The following TSHZ2 variants were observed in gnomAD, a reference collection of about 807,000 sequenced individuals.
TSHZ2 encodes the protein teashirt zinc finger homeobox 2.
Under a neutral mutation model 74.4 loss-of-function variants are expected in TSHZ2, and 21 were observed. The observed-to-expected ratio is 0.28, with a 90% confidence interval of 0.20 to 0.41. TSHZ2 has a LOEUF of 0.41. TSHZ2 is among the 10% of genes least tolerant of loss of function. The probability of loss-of-function intolerance (pLI) is 1.00; values close to 1 mark genes in which losing one functional copy is unlikely to be tolerated. For missense variants in TSHZ2, 1,244 were observed against 1,293.5 expected (o/e 0.96, Z 0.59); for synonymous variants, 540 against 515.3 (o/e 1.05, Z -0.65).
intron 1 of TSHZ2, among the ~76,000 whole-genome samples, chr20:53,142,647 G>C (rs1600709820): frequency 6.6e-6 from 1 of 152,138 alleles, no homozygotes; most frequent in Admixed American, 6.5e-5. Flanking sequence ...TCTAATGCTT[G>C]CATTTCATTT....
chr20:53,340,821 G>C (rs564466634), intron 2 of TSHZ2, among the ~76,000 whole-genome samples: 1 of 152,048 alleles, frequency 6.6e-6, no homozygotes, highest in South Asian at 2.1e-4. Flanking sequence ...TGAGTAATGG[G>C]ACAATCACCA....
chr20:53,087,834 T>G (rs1006516112), intron 1 of TSHZ2, among the ~76,000 whole-genome samples: 1 of 152,236 alleles, frequency 6.6e-6, no homozygotes, highest in Non-Finnish European at 1.5e-5. Context: ...AGGTAAATTC[T>G]TTTGGCATTT....
At chr20:52,999,004 CATTTTATAA>C (rs1346964366) in intron 1 of TSHZ2, among the ~76,000 whole-genome samples, 1 of 152,214 alleles carries the variant, frequency 6.6e-6, no homozygotes, top group Non-Finnish European at 1.5e-5. Context: ...ATCCTCACAA[CATTTTATAA>C]ATTTTATAAA....
At chr20:53,247,970 A>G (rs1990243968) in intron 1 of TSHZ2, among the ~76,000 whole-genome samples, 1 of 152,186 alleles carries the variant, frequency 6.6e-6, no homozygotes, top group Non-Finnish European at 1.5e-5. Flanking sequence ...GTAACTCCAT[A>G]CCACCCATGA....
chr20:52,982,865 A>G (rs1173508816), intron 1 of TSHZ2, among the ~76,000 whole-genome samples: 1 of 152,202 alleles, frequency 6.6e-6, no homozygotes, highest in Non-Finnish European at 1.5e-5. Flanking sequence ...CAGGGCTGGG[A>G]GAAGCAGTCC....
chr20:53,315,300 G>A (rs1004716023), intron 2 of TSHZ2, among the ~76,000 whole-genome samples: 2 of 150,882 alleles, frequency 1.3e-5, no homozygotes, highest in Non-Finnish European at 3.0e-5. Context: ...TTTCCTCTGG[G>A]AAAGGAATAA....
intron 1 of TSHZ2, among the ~76,000 whole-genome samples, chr20:53,169,607 T>C (rs1988144418): frequency 6.6e-6 from 1 of 152,204 alleles, no homozygotes; most frequent in South Asian, 2.1e-4. Context: ...ATCTGTTGCA[T>C]GAATGAGTTT....
intron 1 of TSHZ2, among the ~76,000 whole-genome samples, chr20:53,123,414 C>T (rs1228634077): frequency 6.6e-6 from 1 of 152,136 alleles, no homozygotes; most frequent in Non-Finnish European, 1.5e-5. Flanking sequence ...GACTCACTGA[C>T]ATGTTTAGGG....
chr20:53,365,345 G>C (rs574477245), intron 2 of TSHZ2, among the ~76,000 whole-genome samples: 9 of 152,132 alleles, frequency 5.9e-5, no homozygotes, highest in East Asian at 1.9e-4. Context: ...TCCCAGCTTG[G>C]GGGGGTCGGG....
chr20:53,089,756 A>C (rs944894911), intron 1 of TSHZ2, among the ~76,000 whole-genome samples: 1 of 152,264 alleles, frequency 6.6e-6, no homozygotes, highest in Non-Finnish European at 1.5e-5. Context: ...AACTGTCTAC[A>C]TGAAGAACAA....
intron 2 of TSHZ2, among the ~76,000 whole-genome samples, chr20:53,336,297 T>C (rs955620307): frequency 2.6e-5 from 4 of 152,312 alleles, no homozygotes; most frequent in South Asian, 2.1e-4. Context: ...GGTTATTTCA[T>C]AGCTTCACGC....
rs569453476 is a variant in TSHZ2, at chr20:53,046,640, AAAAAC to A, written c.40+73323_40+73327del. Among the ~76,000 whole-genome samples, 423 of 152,224 alleles carry A rather than the reference AAAAAC, an allele frequency of 2.8e-3. 2 individuals carry two copies. Among genetic ancestry groups the A allele is most frequent in the Non-Finnish European group, 4.3e-3 (295 of 68,006 alleles). On this transcript the variant is annotated intron_variant, in intron 1 of 2. Coordinates refer to ENST00000371497, the MANE Select transcript of TSHZ2 (RefSeq NM_173485.6). The stretch of plus-strand genomic sequence containing the variant: ...GCAAATGAGTTAGTATTTGATTAAA[AAAAAC>A]AAAACAAAACAAAACCCTGGGAACT...
At chr20:53,142,117 T>G (rs1211238644) in intron 1 of TSHZ2, among the ~76,000 whole-genome samples, 2 of 152,056 alleles carry the variant, frequency 1.3e-5, no homozygotes, top group South Asian at 2.1e-4. Flanking sequence ...GACAGAAAAC[T>G]CACCTCAAAA....
chr20:53,298,987 A>G (rs1028125998), intron 2 of TSHZ2, among the ~76,000 whole-genome samples: 3 of 152,176 alleles, frequency 2.0e-5, no homozygotes, highest in Non-Finnish European at 4.4e-5. Flanking sequence ...TGGAGCTTAT[A>G]GATGAGACTC....
chr20:53,379,174 G>A (rs1167983603), intron 2 of TSHZ2, among the ~76,000 whole-genome samples: 4 of 152,206 alleles, frequency 2.6e-5, no homozygotes, highest in Non-Finnish European at 1.5e-5. Flanking sequence ...TTGAGCCCAA[G>A]AGTTTGAGAC....
chr20:53,063,049 G>T (rs1167876819), intron 1 of TSHZ2, among the ~76,000 whole-genome samples: 1 of 152,102 alleles, frequency 6.6e-6, no homozygotes, highest in Admixed American at 6.5e-5. Flanking sequence ...AATTACAACA[G>T]TAACATCAAA....
intron 1 of TSHZ2, among the ~76,000 whole-genome samples, chr20:53,215,271 C>T (rs1170358660): frequency 6.6e-6 from 1 of 152,116 alleles, no homozygotes; most frequent in East Asian, 1.9e-4. Flanking sequence ...AACACCACTT[C>T]CCGGGATTCC....
chr20:53,096,139 C>T (rs28710106), intron 1 of TSHZ2, among the ~76,000 whole-genome samples: 23,455 of 151,934 alleles, frequency 0.15, 2,212 homozygotes, highest in African/African-American at 0.27. Flanking sequence ...TTTTGTTTGT[C>T]TGTTTGTTTG....
chr20:53,127,570 G>A (rs1986981594), intron 1 of TSHZ2, among the ~76,000 whole-genome samples: 1 of 152,160 alleles, frequency 6.6e-6, no homozygotes, highest in African/African-American at 2.4e-5. Context: ...GAAAGAATGG[G>A]CTACTTTGGG....
Sources: allele counts gnomAD v4.1 joint callset (sites outside exome capture counted in the v4.1 genomes callset), GRCh38; gene constraint gnomAD v4.1.1; transcripts MANE v1.5; gene names NCBI Gene and HGNC (gene_info 2026-07-23, HGNC 2026-07-21).